GRID2: variants seen among roughly 807,000 people sequenced by gnomAD.
GRID2 encodes the protein glutamate ionotropic receptor delta type subunit 2.
Under a neutral mutation model 114.8 loss-of-function variants are expected in GRID2, and 33 were observed. The ratio of observed to expected loss-of-function variants is 0.29; its 90% CI spans 0.22 to 0.38. The LOEUF (loss-of-function observed/expected upper bound fraction) is 0.38, where lower values mean the gene tolerates loss of function less well. Among genes scored for constraint, GRID2 ranks in the 10% least tolerant of loss-of-function variants. The pLI is 1.00. For synonymous variants in GRID2, 505 were observed against 449.9 expected (o/e 1.12, Z -1.55); for missense variants, 1,184 against 1,257.7 (o/e 0.94, Z 0.89).
At chr4:93,431,754 C>G (rs1250452764) in intron 10 of GRID2, among the ~76,000 whole-genome samples, 1 of 151,834 alleles carries the variant, frequency 6.6e-6, no homozygotes, top group Non-Finnish European at 1.5e-5. Context: ...TAAGTTAAAA[C>G]AGAGACTTGA....
intron 2 of GRID2, among the ~76,000 whole-genome samples, chr4:92,742,686 A>G (rs1296022327): frequency 1.3e-5 from 2 of 152,208 alleles, no homozygotes; most frequent in African/African-American, 2.4e-5. Flanking sequence ...CTTCAAACAG[A>G]AAAAGGGCTC....
rs192300038 is a variant in GRID2, at chr4:93,002,627, C to T, written c.245-82368C>T. ...GAAAAATGATTTTCTGCTTTGTTTT[C>T]TATTTTTCCCCCCGGTACTTGAAAG... is the stretch of plus-strand genomic sequence containing the variant. On this transcript the variant is annotated intron_variant, in intron 2 of 15. Transcript: ENST00000282020. Among the ~76,000 whole-genome samples, 431 of 151,668 alleles carry T rather than the reference C, an allele frequency of 2.8e-3. 3 individuals carry two copies. Among genetic ancestry groups the T allele is most frequent in the African/African-American group, 0.01 (418 of 41,402 alleles).
intron 7 of GRID2, among the ~76,000 whole-genome samples, chr4:93,234,640 C>T (rs780745404): frequency 5.4e-5 from 7 of 129,622 alleles, no homozygotes; most frequent in Non-Finnish European, 8.2e-5. Context: ...TTGTATTTGT[C>T]GTCCTCTTTT....
intron 7 of GRID2, among the ~76,000 whole-genome samples, chr4:93,230,788 TG>T (rs1746039575): frequency 6.6e-6 from 1 of 152,258 alleles, no homozygotes; most frequent in East Asian, 1.9e-4. Flanking sequence ...CAAGAAATCA[TG>T]GGAATAAACA....
chr4:93,697,781 G>A (rs1323119911), intron 14 of GRID2, among the ~76,000 whole-genome samples: 1 of 146,634 alleles, frequency 6.8e-6, no homozygotes, highest in Admixed American at 7.0e-5. Context: ...TTTGCTAAAA[G>A]AATAGATTTG....
At chr4:93,725,156 C>G (rs1729741435) in intron 14 of GRID2, among the ~76,000 whole-genome samples, 1 of 152,050 alleles carries the variant, frequency 6.6e-6, no homozygotes, top group African/African-American at 2.4e-5. Context: ...ACAACAGTCC[C>G]TGGTGTGTGA....
At chr4:92,792,242 T>G (rs1380959149) in intron 2 of GRID2, among the ~76,000 whole-genome samples, 1 of 151,770 alleles carries the variant, frequency 6.6e-6, no homozygotes, top group East Asian at 1.9e-4. Flanking sequence ...ATGTAAGGAC[T>G]CCAGTGGACC....
At chr4:93,347,656 A>G (rs1760374588) in intron 8 of GRID2, among the ~76,000 whole-genome samples, 1 of 152,090 alleles carries the variant, frequency 6.6e-6, no homozygotes. Flanking sequence ...AGCGCTTTCC[A>G]TATATTTGCT....
intron 2 of GRID2, among the ~76,000 whole-genome samples, chr4:92,616,051 C>A (rs552907740): frequency 1.3e-5 from 2 of 151,622 alleles, no homozygotes; most frequent in African/African-American, 4.8e-5. Flanking sequence ...TTCATATTTG[C>A]CCACATAATT....
chr4:93,747,090 C>T (rs1731906001), intron 14 of GRID2, among the ~76,000 whole-genome samples: 1 of 151,992 alleles, frequency 6.6e-6, no homozygotes, highest in African/African-American at 2.4e-5. Flanking sequence ...CTGATCATGA[C>T]ACTTTTGAAA....
chr4:92,659,777 A>G (rs887006351), intron 2 of GRID2, among the ~76,000 whole-genome samples: 6 of 151,450 alleles, frequency 4.0e-5, no homozygotes, highest in African/African-American at 1.5e-4. Context: ...CACATTTTCC[A>G]GATTCATTAA....
At chr4:93,621,420 C>T (rs1742209771) in intron 13 of GRID2, among the ~76,000 whole-genome samples, 1 of 152,144 alleles carries the variant, frequency 6.6e-6, no homozygotes, top group African/African-American at 2.4e-5. Context: ...ATGAAGCTCC[C>T]AGATTCACTT....
chr4:93,489,721 G>C (rs1322809002), intron 11 of GRID2, among the ~76,000 whole-genome samples: 1 of 151,874 alleles, frequency 6.6e-6, no homozygotes, highest in East Asian at 1.9e-4. Context: ...TGAAGAAGAT[G>C]TTTGAAAATT....
intron 2 of GRID2, among the ~76,000 whole-genome samples, chr4:92,685,698 A>C (rs555204866): frequency 1.3e-5 from 2 of 152,070 alleles, no homozygotes; most frequent in East Asian, 3.9e-4. Context: ...TTTAATATCC[A>C]AGATGTTGCC....
chr4:93,009,942 G>T (rs1721953137), intron 2 of GRID2, among the ~76,000 whole-genome samples: 1 of 151,880 alleles, frequency 6.6e-6, no homozygotes, highest in Non-Finnish European at 1.5e-5. Flanking sequence ...AGGGCTCCCT[G>T]CTCATTATTT....
chr4:93,295,259 C>T (rs568676553), intron 8 of GRID2, among the ~76,000 whole-genome samples: 4 of 152,102 alleles, frequency 2.6e-5, no homozygotes, highest in East Asian at 3.9e-4. Context: ...TCGAGAAAAA[C>T]GAGGTCCAAA....
chr4:92,749,805 G>A (rs955515692), intron 2 of GRID2, among the ~76,000 whole-genome samples: 2 of 152,170 alleles, frequency 1.3e-5, no homozygotes, highest in African/African-American at 4.8e-5. Context: ...AGGATCAACA[G>A]TGGAGCAGTG....
chr4:92,446,325 C>G (rs898194219), intron 1 of GRID2, among the ~76,000 whole-genome samples: 1 of 152,138 alleles, frequency 6.6e-6, no homozygotes, highest in Non-Finnish European at 1.5e-5. Flanking sequence ...ATTGGAGTGG[C>G]AAAGAACTAC....
intron 2 of GRID2, among the ~76,000 whole-genome samples, chr4:92,911,234 A>G (rs1432801967): frequency 2.0e-5 from 3 of 152,058 alleles, no homozygotes; most frequent in Non-Finnish European, 4.4e-5. Context: ...CTTTAATTAA[A>G]ATACAAATTA....
Sources: allele counts gnomAD v4.1 joint callset (sites outside exome capture counted in the v4.1 genomes callset), GRCh38; gene constraint gnomAD v4.1.1; transcripts MANE v1.5; gene names NCBI Gene and HGNC (gene_info 2026-07-23, HGNC 2026-07-21).